The following ANKRD30BL variants were observed in gnomAD, a reference collection of about 807,000 sequenced individuals.
ANKRD30BL encodes the protein putative ankyrin repeat domain-containing protein 30B-like.
Under a neutral mutation model 18.4 loss-of-function variants are expected in ANKRD30BL, and 20 were observed. The ratio of observed to expected loss-of-function variants is 1.09; its 90% CI spans 0.77 to 1.58. The LOEUF is 1.58. ANKRD30BL is among the 40% of genes most tolerant of loss of function. The pLI, the probability that ANKRD30BL is intolerant of heterozygous loss-of-function variation, is 0.00. For synonymous variants in ANKRD30BL, 72 were observed against 100.9 expected (o/e 0.71, Z 1.72); for missense variants, 224 against 268.6 (o/e 0.83, Z 1.16).
At position 132,198,311 on chromosome 2, in the gene ANKRD30BL, TCTTTCTTTC is replaced by T. The variant is rs1558928543; in HGVS notation, n.442-41174_442-41166del. Among the ~76,000 whole-genome samples the T allele has an allele frequency of 7.8e-3, 148 of 19,064 alleles. 7 individuals carry two copies. The highest frequency in any genetic ancestry group is 0.029 in the Middle Eastern group (1 of 34). The allele number at this position is 19,064 out of a possible 152,430, so 12.5% of individuals were successfully genotyped here. A position where few individuals can be genotyped will look rare whatever the true frequency, so the allele number is the denominator to read the frequency against. The stretch of plus-strand genomic sequence containing the variant: ...TTCTTTCTTTCTTTCTTTCTTTCTT[TCTTTCTTTC>T]TTTCTTTTTTTTTTTTTTTTTTAGA... On this transcript the variant is annotated intron_variant and non_coding_transcript_variant, in intron 1 of 4. Transcript: ENST00000470729.
intron 1 of ANKRD30BL, among the ~76,000 whole-genome samples, chr2:132,189,675 G>A (rs1424079015): frequency 4.6e-5 from 7 of 151,588 alleles, no homozygotes; most frequent in African/African-American, 1.7e-4. Context: ...CTAAAAGGAA[G>A]TGTTGAGTCT....
At chr2:132,208,285 A>T (rs1001349598) in intron 1 of ANKRD30BL, among the ~76,000 whole-genome samples, 17 of 152,156 alleles carry the variant, frequency 1.1e-4, no homozygotes, top group Non-Finnish European at 2.4e-4. Context: ...CATTCAAAAG[A>T]GCCTCTAACA....
At chr2:132,183,049 G>T (rs932862040) in intron 1 of ANKRD30BL, among the ~76,000 whole-genome samples, 7 of 151,828 alleles carry the variant, frequency 4.6e-5, no homozygotes, top group East Asian at 3.9e-4. Context: ...AAGGTAGAAG[G>T]TTCTATTGTT....
chr2:132,191,195 T>A (rs1399908563), intron 1 of ANKRD30BL, among the ~76,000 whole-genome samples: 2 of 152,206 alleles, frequency 1.3e-5, no homozygotes, highest in East Asian at 3.8e-4. Flanking sequence ...ATAATATACC[T>A]ACTGTTGTTT....
chr2:132,191,887 T>G (rs956345865), intron 1 of ANKRD30BL, among the ~76,000 whole-genome samples: 47 of 151,878 alleles, frequency 3.1e-4, no homozygotes, highest in Admixed American at 1.4e-3. Context: ...GACTACAGGC[T>G]CTCACCACCA....
chr2:132,163,023 C>A (rs1269865241), upstream of ANKRD30BL, among the ~76,000 whole-genome samples: 3 of 152,332 alleles, frequency 2.0e-5, no homozygotes, highest in Non-Finnish European at 4.4e-5. Context: ...TGACCAGCAT[C>A]TGGAGTATGG....
chr2:132,222,601 C>T (rs1277155816), intron 1 of ANKRD30BL, among the ~76,000 whole-genome samples: 2 of 151,890 alleles, frequency 1.3e-5, no homozygotes, highest in Non-Finnish European at 2.9e-5. Flanking sequence ...TAAGGGCGGT[C>T]CAAGATGTGC....
At chr2:132,246,134 A>G (rs932420788) in intron 1 of ANKRD30BL, among the ~76,000 whole-genome samples, 130 of 151,946 alleles carry the variant, frequency 8.6e-4, no homozygotes, top group African/African-American at 3.0e-3. Context: ...ATCTTCACAT[A>G]AAAACTACAC....
At chr2:132,168,387 G>C (rs1688223358) in intron 1 of ANKRD30BL, among the ~76,000 whole-genome samples, 1 of 152,122 alleles carries the variant, frequency 6.6e-6, no homozygotes, top group African/African-American at 2.4e-5. Flanking sequence ...TAAAGAAAAT[G>C]TGGCATATAC....
chr2:132,228,427 T>C (rs1298220297), intron 1 of ANKRD30BL, among the ~76,000 whole-genome samples: 2 of 151,842 alleles, frequency 1.3e-5, no homozygotes, highest in African/African-American at 4.8e-5. Flanking sequence ...AAAGGAAATA[T>C]ATTACCATAA....
chr2:132,227,060 A>G (rs1277211266), intron 1 of ANKRD30BL, among the ~76,000 whole-genome samples: 3 of 152,282 alleles, frequency 2.0e-5, no homozygotes, highest in African/African-American at 4.8e-5. Context: ...AGGCAGAAGC[A>G]TTCTCAGAAA....
At chr2:132,256,551 G>T (rs1201891088) in intron 1 of ANKRD30BL, among the ~76,000 whole-genome samples, 2 of 152,230 alleles carry the variant, frequency 1.3e-5, no homozygotes, top group Non-Finnish European at 2.9e-5. Context: ...ACCGCCAGTG[G>T]CCTCGGGGCA....
intron 1 of ANKRD30BL, among the ~76,000 whole-genome samples, chr2:132,220,968 C>T (rs1171295334): frequency 6.6e-6 from 1 of 151,738 alleles, no homozygotes; most frequent in East Asian, 2.0e-4. Flanking sequence ...AGCGTCTCTG[C>T]CCGGCCGCCC....
chr2:132,256,368 C>T (rs1680837312), intron 1 of ANKRD30BL, among the ~76,000 whole-genome samples: 2 of 152,040 alleles, frequency 1.3e-5, no homozygotes, highest in Admixed American at 6.5e-5. Flanking sequence ...GGACACAAAA[C>T]CCCCCGACGG....
At chr2:132,175,853 A>G (rs1405479527) in intron 1 of ANKRD30BL, among the ~76,000 whole-genome samples, 1 of 152,196 alleles carries the variant, frequency 6.6e-6, no homozygotes, top group Non-Finnish European at 1.5e-5. Context: ...TTGATTCCAT[A>G]CAACACATGT....
At chr2:132,227,434 A>T (rs967698327) in intron 1 of ANKRD30BL, among the ~76,000 whole-genome samples, 3 of 152,114 alleles carry the variant, frequency 2.0e-5, no homozygotes, top group Non-Finnish European at 2.9e-5. Flanking sequence ...GTTTGCCTTC[A>T]ACTCACACAG....
intron 1 of ANKRD30BL, among the ~76,000 whole-genome samples, chr2:132,251,814 C>T: frequency 6.6e-6 from 1 of 152,190 alleles, no homozygotes. Flanking sequence ...TTTTCCATCA[C>T]CTAAAAGTAA....
chr2:132,189,894 ATAAAT>A (rs1355817562), intron 1 of ANKRD30BL, among the ~76,000 whole-genome samples: 3,475 of 152,200 alleles, frequency 0.023, 117 homozygotes, highest in African/African-American at 0.08. Flanking sequence ...AGAAAAAAAA[ATAAAT>A]TAATTGTATT....
intron 1 of ANKRD30BL, among the ~76,000 whole-genome samples, chr2:132,223,271 G>A (rs1274015881): frequency 2.6e-5 from 4 of 151,994 alleles, no homozygotes; most frequent in African/African-American, 7.2e-5. Flanking sequence ...CGTTTGAAAC[G>A]GAAATATATT....
Sources: allele counts gnomAD v4.1 joint callset (sites outside exome capture counted in the v4.1 genomes callset), GRCh38; gene constraint gnomAD v4.1.1; transcripts MANE v1.5; gene names NCBI Gene and HGNC (gene_info 2026-07-23, HGNC 2026-07-21).